Variants in FGF13 observed in about 807,000 individuals in gnomAD.
The protein encoded by FGF13 is fibroblast growth factor 13.
In FGF13, 2 loss-of-function variants were observed where a neutral mutation model predicts 19.5. The observed-to-expected ratio is 0.10, with a 90% CI of 0.04 to 0.32. The LOEUF (loss-of-function observed/expected upper bound fraction) is 0.32, where lower values mean the gene tolerates loss of function less well. Among genes scored for constraint, FGF13 ranks in the 10% least tolerant of loss-of-function variants. FGF13 has a pLI of 1.00. For synonymous variants in FGF13, 72 were observed against 76.9 expected, an observed-to-expected ratio of 0.94 and a Z score of 0.33; for missense variants, 113 against 192.7, an observed-to-expected ratio of 0.59 and a Z score of 2.45.
At chrX:139,164,093 C>CT (rs56733431) in intron 1 of FGF13, among the ~76,000 whole-genome samples, 36,862 of 93,654 alleles carry the variant, frequency 0.39, 6,001 homozygotes, top group East Asian at 0.56. Flanking sequence ...GCTGAGTTTT[C>CT]TTTTTTTTTT....
intron 3 of FGF13, among the ~76,000 whole-genome samples, chrX:138,774,824 A>G (rs2090576299): frequency 8.9e-6 from 1 of 112,346 alleles, no homozygotes; most frequent in Non-Finnish European, 1.9e-5. Context: ...AATCCATAAG[A>G]AACTGACATT....
At position 138,984,511 on chromosome X, in the gene FGF13, G is replaced by A. The variant is rs5976241; in HGVS notation, c.-112-119861C>T. Among the ~76,000 whole-genome samples, 154 of 27,056 alleles carry A rather than the reference G, an allele frequency of 5.7e-3. 4 individuals are homozygous for A. The highest frequency in any genetic ancestry group is 0.071 in the Middle Eastern group (2 of 28). 23.5% of individuals were successfully genotyped at this position (27,056 alleles called of 115,157 possible). A position where few individuals can be genotyped will look rare whatever the true frequency, so the allele number is the denominator to read the frequency against. On this transcript the variant is annotated intron_variant, in intron 1 of 2. Transcript: ENST00000421460. ...AAGGAGAAGGAGAAGGAGAAGAAGA[G>A]GAAGAAGAAGAGGAAGAAGAAGAAG...
intron 1 of FGF13, among the ~76,000 whole-genome samples, chrX:138,923,415 T>A (rs1454364826): frequency 8.9e-6 from 1 of 112,412 alleles, no homozygotes; most frequent in Non-Finnish European, 1.9e-5. Flanking sequence ...TTTAACTATA[T>A]GATCAAAATA....
intron 3 of FGF13, among the ~76,000 whole-genome samples, chrX:138,756,479 G>T (rs1429291263): frequency 8.9e-6 from 1 of 112,580 alleles, no homozygotes; most frequent in Non-Finnish European, 1.9e-5. Context: ...GCTAATGATT[G>T]CTCCTTCAGG....
chrX:139,004,804 G>A (rs754190268), intron 1 of FGF13, among the ~76,000 whole-genome samples: 80 of 112,385 alleles, frequency 7.1e-4, no homozygotes, highest in African/African-American at 2.6e-3. Context: ...TGGGCCTGTA[G>A]TGGTGGCAAC....
At chrX:138,665,228 T>G (rs1336820877) in intron 3 of FGF13, among the ~76,000 whole-genome samples, 4 of 111,501 alleles carry the variant, frequency 3.6e-5, no homozygotes, top group Non-Finnish European at 7.6e-5. Context: ...CTTGAACCTG[T>G]GAGGCCTTAG....
At chrX:139,146,512 A>T (rs1852653072) in intron 1 of FGF13, among the ~76,000 whole-genome samples, 1 of 112,287 alleles carries the variant, frequency 8.9e-6, no homozygotes, top group Non-Finnish European at 1.9e-5. Context: ...ACACTTTTAC[A>T]CTGTTGGTGG....
At chrX:139,072,084 A>G (rs2092378723) in intron 1 of FGF13, among the ~76,000 whole-genome samples, 1 of 108,169 alleles carries the variant, frequency 9.2e-6, no homozygotes, top group Admixed American at 1.0e-4. Context: ...TTCGGAACCA[A>G]TTGTGCCCCC....
At chrX:138,902,174 G>A (rs1040853265) in intron 1 of FGF13, among the ~76,000 whole-genome samples, 1 of 112,305 alleles carries the variant, frequency 8.9e-6, no homozygotes, top group Non-Finnish European at 1.9e-5. Flanking sequence ...TGGTAATGCA[G>A]AAATCTATTT....
At chrX:138,862,988 C>T (rs1318125900) in intron 2 of FGF13, among the ~76,000 whole-genome samples, 2 of 110,498 alleles carry the variant, frequency 1.8e-5, no homozygotes, top group Non-Finnish European at 3.8e-5. Flanking sequence ...TTATATGCCT[C>T]TCTTCTGGCT....
intron 3 of FGF13, among the ~76,000 whole-genome samples, chrX:138,674,245 T>C (rs1230078180): frequency 9.0e-6 from 1 of 111,227 alleles, no homozygotes; most frequent in Non-Finnish European, 1.9e-5. Context: ...TGACTATAGT[T>C]TTCTATTATT....
intron 1 of FGF13, among the ~76,000 whole-genome samples, chrX:139,084,096 G>A (rs5976265): frequency 9.2e-6 from 1 of 108,232 alleles, no homozygotes; most frequent in Admixed American, 1.0e-4. Flanking sequence ...AGATAATGGA[G>A]GTAACAGTAG....
intron 1 of FGF13, among the ~76,000 whole-genome samples, chrX:139,097,377 T>G (rs754391960): frequency 1.8e-5 from 2 of 111,189 alleles, no homozygotes; most frequent in Non-Finnish European, 3.8e-5. Context: ...TTAGGCCACA[T>G]TCAAAGCCAT....
chrX:138,702,287 T>C (rs924808617), intron 3 of FGF13, among the ~76,000 whole-genome samples: 2 of 112,238 alleles, frequency 1.8e-5, no homozygotes, highest in African/African-American at 6.5e-5. Flanking sequence ...AATAAAATCT[T>C]AACCCTAATA....
intron 1 of FGF13, among the ~76,000 whole-genome samples, chrX:138,865,235 A>G (rs747484937): frequency 9.0e-6 from 1 of 111,716 alleles, no homozygotes; most frequent in South Asian, 3.8e-4. Flanking sequence ...TAGCATTAGC[A>G]TCACCTGGAG....
At chrX:138,981,358 T>C (rs866531581) in intron 1 of FGF13, among the ~76,000 whole-genome samples, 1 of 89,631 alleles carries the variant, frequency 1.1e-5, no homozygotes, top group Admixed American at 1.2e-4. Context: ...CACACACACA[T>C]GCGAACACAA....
At chrX:139,204,285 G>A, upstream of FGF13, 2 of 439,444 alleles carry the variant, frequency 4.6e-6, no homozygotes, top group East Asian at 4.2e-5. Flanking sequence ...CGAGAGAGTG[G>A]GGAGGAAAGG....
intron 1 of FGF13, among the ~76,000 whole-genome samples, chrX:139,111,326 G>A (rs767244781): frequency 9.8e-5 from 11 of 111,723 alleles, no homozygotes; most frequent in Non-Finnish European, 1.7e-4. Flanking sequence ...GGAAGAGGAC[G>A]GGATATAATT....
At chrX:139,047,747 G>A (rs1368748795) in intron 1 of FGF13, among the ~76,000 whole-genome samples, 3 of 111,769 alleles carry the variant, frequency 2.7e-5, no homozygotes, top group African/African-American at 9.8e-5. Context: ...CATACAGTGG[G>A]TTTATCATAT....
Sources: allele counts gnomAD v4.1 joint callset (sites outside exome capture counted in the v4.1 genomes callset), GRCh38; gene constraint gnomAD v4.1.1; transcripts MANE v1.5; gene names NCBI Gene and HGNC (gene_info 2026-07-23, HGNC 2026-07-21).